Variants in MECOM observed in about 807,000 individuals in gnomAD.
MECOM encodes histone-lysine N-methyltransferase MECOM.
MECOM carries 13 observed loss-of-function variants against 116.3 expected under a neutral mutation model. The observed-to-expected ratio is 0.11, with a 90% CI of 0.07 to 0.18. The LOEUF is 0.18. MECOM is among the 10% of genes least tolerant of loss of function. MECOM has a pLI of 1.00. For missense variants in MECOM, 1,299 were observed against 1,509.0 expected, an observed-to-expected ratio of 0.86 and a Z score of 2.31; for synonymous variants, 528 against 535.2, an observed-to-expected ratio of 0.99 and a Z score of 0.19.
intron 1 of MECOM, among the ~76,000 whole-genome samples, chr3:169,616,547 C>A (rs754626156): frequency 6.6e-6 from 1 of 152,086 alleles, no homozygotes; most frequent in Non-Finnish European, 1.5e-5. Context: ...GCCATGTTGG[C>A]GAGGCTAGTT....
intron 1 of MECOM, among the ~76,000 whole-genome samples, chr3:169,460,750 C>A: frequency 6.6e-6 from 1 of 152,148 alleles, no homozygotes; most frequent in East Asian, 1.9e-4. Flanking sequence ...TTAGCCCTGT[C>A]CATTACAGGT....
At chr3:169,253,213 T>G (rs1351643387) in intron 2 of MECOM, among the ~76,000 whole-genome samples, 3 of 152,192 alleles carry the variant, frequency 2.0e-5, no homozygotes, top group Admixed American at 1.3e-4. Flanking sequence ...GCTCACTATA[T>G]TTTTACAATA....
chr3:169,386,458 AGTTT>A, intron 1 of MECOM, among the ~76,000 whole-genome samples: 1 of 152,156 alleles, frequency 6.6e-6, no homozygotes, highest in African/African-American at 2.4e-5. Context: ...TATGTTTTAA[AGTTT>A]GTTTGTTTTA....
intron 1 of MECOM, among the ~76,000 whole-genome samples, chr3:169,429,025 A>G (rs1287065445): frequency 1.3e-5 from 2 of 152,244 alleles, no homozygotes; most frequent in African/African-American, 4.8e-5. Context: ...CCAAAGAGCC[A>G]CAGGAACAAT....
chr3:169,651,596 G>A (rs180920032), intron 1 of MECOM, among the ~76,000 whole-genome samples: 21 of 152,226 alleles, frequency 1.4e-4, no homozygotes, highest in Non-Finnish European at 2.9e-5. Context: ...TAAGCTATGG[G>A]GATGCAAAGG....
intron 1 of MECOM, among the ~76,000 whole-genome samples, chr3:169,483,445 T>C (rs906015588): frequency 7.1e-6 from 1 of 141,514 alleles, no homozygotes; most frequent in Non-Finnish European, 1.5e-5. Flanking sequence ...TTCGGTAAAG[T>C]CACCCTCTCC....
At chr3:169,272,204 T>C (rs1759034059) in intron 2 of MECOM, among the ~76,000 whole-genome samples, 1 of 151,874 alleles carries the variant, frequency 6.6e-6, no homozygotes, top group African/African-American at 2.4e-5. Flanking sequence ...CGCAAAGGAG[T>C]CTCTCCTGAG....
intron 2 of MECOM, among the ~76,000 whole-genome samples, chr3:169,211,912 C>T (rs1750777518): frequency 6.6e-6 from 1 of 152,098 alleles, no homozygotes; most frequent in African/African-American, 2.4e-5. Flanking sequence ...ACCCTCCTCC[C>T]TGCACACTCC....
rs1409447282 is a variant in MECOM, at chr3:169,607,477, T to C, written c.37+55859A>G. 2.6e-5 allele frequency among the ~76,000 whole-genome samples: 4 copies of C among 152,254 alleles called. No individual in the cohort carries two copies. In the South Asian group the frequency reaches 8.3e-4, roughly 31 times the overall value. ...TGCAAGGAATTTATTAAAATACCAC[T>C]ACAAAAGATACTTGAAAAAATTTAT... On this transcript the variant is annotated intron_variant, in intron 1 of 16. Transcript: ENST00000651503.
chr3:169,233,621 T>C (rs1017577533), intron 2 of MECOM, among the ~76,000 whole-genome samples: 3 of 152,112 alleles, frequency 2.0e-5, no homozygotes, highest in African/African-American at 7.2e-5. Context: ...ATTGCAGCAC[T>C]CTCTAAAGCT....
intron 2 of MECOM, among the ~76,000 whole-genome samples, chr3:169,290,448 G>GA (rs1338019791): frequency 6.6e-6 from 1 of 151,840 alleles, no homozygotes; most frequent in East Asian, 1.9e-4. Context: ...AACGTATATA[G>GA]AAAAAAAGTG....
At chr3:169,325,146 G>A (rs910829438) in intron 2 of MECOM, among the ~76,000 whole-genome samples, 10 of 152,248 alleles carry the variant, frequency 6.6e-5, no homozygotes, top group African/African-American at 2.2e-4. Context: ...GAAGCACCCC[G>A]AGGTGGACAC....
chr3:169,167,867 T>C (rs1743830085), intron 2 of MECOM, among the ~76,000 whole-genome samples: 1 of 152,092 alleles, frequency 6.6e-6, no homozygotes, highest in Admixed American at 6.5e-5. Context: ...TCTGAATGAC[T>C]TTTGAGTACT....
intron 2 of MECOM, among the ~76,000 whole-genome samples, chr3:169,158,349 C>T (rs983711264): frequency 1.3e-5 from 2 of 152,090 alleles, no homozygotes; most frequent in African/African-American, 2.4e-5. Context: ...GAAGTCACAA[C>T]ATATACACGT....
At chr3:169,655,866 T>C (rs1775483839) in intron 1 of MECOM, among the ~76,000 whole-genome samples, 1 of 152,240 alleles carries the variant, frequency 6.6e-6, no homozygotes, top group Non-Finnish European at 1.5e-5. Context: ...TTATTGAGCA[T>C]GTGCCTTAGG....
chr3:169,301,037 T>C (rs565929542), intron 2 of MECOM, among the ~76,000 whole-genome samples: 32 of 152,358 alleles, frequency 2.1e-4, no homozygotes, highest in African/African-American at 7.7e-4. Flanking sequence ...TGTTTCTATA[T>C]TGTGGGTTCA....
chr3:169,147,778 G>T, intron 2 of MECOM: 1 of 924,446 alleles, frequency 1.1e-6, no homozygotes, highest in Non-Finnish European at 1.3e-6. Context: ...GAGAGAGAGA[G>T]ATGGGGGATG....
intron 1 of MECOM, among the ~76,000 whole-genome samples, chr3:169,513,232 G>T (rs922817067): frequency 2.0e-5 from 3 of 152,188 alleles, no homozygotes; most frequent in African/African-American, 4.8e-5. Flanking sequence ...CCAAGGCTTG[G>T]TTTAAATAGA....
At chr3:169,137,163 A>T (rs928425538) in intron 3 of MECOM, among the ~76,000 whole-genome samples, 4 of 152,104 alleles carry the variant, frequency 2.6e-5, no homozygotes, top group African/African-American at 7.2e-5. Flanking sequence ...GAAAAGCTGA[A>T]TGGAACTTCA....
Sources: gnomAD v4.1 joint callset for allele counts (sites outside exome capture counted in the v4.1 genomes callset) on GRCh38, gnomAD v4.1.1 for gene constraint, MANE v1.5 for transcripts, NCBI Gene and HGNC (gene_info 2026-07-23, HGNC 2026-07-21) for gene names.